Variants in HPSE2 observed in about 807,000 individuals in gnomAD.
The protein encoded by HPSE2 is inactive heparanase-2.
In HPSE2, 38 loss-of-function variants were observed where a neutral mutation model predicts 60.5. The ratio of observed to expected loss-of-function variants is 0.63; its 90% confidence interval spans 0.48 to 0.82. The LOEUF (loss-of-function observed/expected upper bound fraction) is 0.82, where lower values mean the gene tolerates loss of function less well. HPSE2 is among the 40% of genes least tolerant of loss of function. The probability of loss-of-function intolerance (pLI) is 0.00; values close to 1 mark genes in which losing one functional copy is unlikely to be tolerated. For missense variants in HPSE2, 713 were observed against 740.4 expected (o/e 0.96, Z 0.43); for synonymous variants, 295 against 293.2 (o/e 1.01, Z -0.06).
chr10:99,085,989 T>C (rs987305812), intron 3 of HPSE2, among the ~76,000 whole-genome samples: 1 of 152,202 alleles, frequency 6.6e-6, no homozygotes, highest in Non-Finnish European at 1.5e-5. Flanking sequence ...GTCAAAATCA[T>C]ATTCATTTCC....
At chr10:99,270,843 A>G in the HPSE2 span, among the ~76,000 whole-genome samples, 75,093 of 152,082 alleles carry the variant, frequency 0.49, 21,722 homozygotes, top group Non-Finnish European at 0.64. Flanking sequence ...ATGCAAGACA[A>G]TAAATGTGAT....
chr10:98,536,949 G>A (rs1943301965), intron 9 of HPSE2, among the ~76,000 whole-genome samples: 1 of 152,192 alleles, frequency 6.6e-6, no homozygotes, highest in Non-Finnish European at 1.5e-5. Context: ...AGTCTCTGTG[G>A]CCCATTTTAA....
In HPSE2 at chr10:99,208,453, A is replaced by G. The variant is rs548273013; in HGVS notation, c.448+23895T>C. On this transcript the variant is annotated intron_variant, in intron 2 of 11. Transcript: ENST00000370552. ...TAATTCCAGCACTTTGGGAGGCCAAAGCAGGCATATTTCTTGAGCCCAGGA... is the reference window on the plus strand; with the variant it reads ...TAATTCCAGCACTTTGGGAGGCCAAGGCAGGCATATTTCTTGAGCCCAGGA... 3.7e-4 allele frequency among the ~76,000 whole-genome samples: 56 copies of G among 152,212 alleles called. 1 individual carries two copies. In the South Asian group the frequency reaches 0.011, roughly 30 times the overall value.
intron 8 of HPSE2, among the ~76,000 whole-genome samples, chr10:98,619,139 C>T (rs1946003097): frequency 6.6e-6 from 1 of 151,974 alleles, no homozygotes; most frequent in African/African-American, 2.4e-5. Context: ...AAGAAGCTGC[C>T]TCTATGCAGG....
intron 9 of HPSE2, among the ~76,000 whole-genome samples, chr10:98,517,966 T>C (rs1165499723): frequency 2.0e-5 from 3 of 152,234 alleles, no homozygotes; most frequent in African/African-American, 7.2e-5. Context: ...AATGCTTGAT[T>C]ATTACCCAAG....
rs3043546 is a variant in HPSE2, at chr10:98,879,852, C to CGTGTGTGTGTGTGT, written c.611-135810_611-135797dup. 8.5e-4 allele frequency among the ~76,000 whole-genome samples: 124 copies of CGTGTGTGTGTGTGT among 145,784 alleles called. 3 individuals are homozygous for CGTGTGTGTGTGTGT. The South Asian group carries it at 0.02, about 24-fold the overall frequency. On this transcript the variant is annotated intron_variant, in intron 3 of 11. Coordinates refer to ENST00000370552, the MANE Select transcript of HPSE2 (RefSeq NM_021828.5). The stretch of plus-strand genomic sequence containing the variant: ...GGAAACAACAGTTGGTGTGCATGTG[C>CGTGTGTGTGTGTGT]GTGTGTGTGTGTGTGTGTGTGTGTG...
At chr10:99,122,139 T>C (rs1203552998) in intron 3 of HPSE2, among the ~76,000 whole-genome samples, 1 of 152,014 alleles carries the variant, frequency 6.6e-6, no homozygotes. Flanking sequence ...AGAAAACCAA[T>C]CAAAATATTT....
At chr10:98,838,600 CTT>C (rs747437378) in intron 3 of HPSE2, among the ~76,000 whole-genome samples, 11 of 141,708 alleles carry the variant, frequency 7.8e-5, no homozygotes, top group African/African-American at 5.2e-5. Flanking sequence ...AATTTTTTAA[CTT>C]TTTTTTTTTT....
At chr10:98,955,887 A>G (rs1216643075) in intron 3 of HPSE2, among the ~76,000 whole-genome samples, 1 of 152,156 alleles carries the variant, frequency 6.6e-6, no homozygotes, top group Admixed American at 6.6e-5. Context: ...GTTCTCACTT[A>G]TAAGTGGGAG....
At chr10:98,720,691 G>C (rs1948901444) in intron 5 of HPSE2, among the ~76,000 whole-genome samples, 1 of 152,138 alleles carries the variant, frequency 6.6e-6, no homozygotes, top group Admixed American at 6.6e-5. Context: ...GCTGTGCTAT[G>C]TATTACAAGC....
upstream of HPSE2, among the ~76,000 whole-genome samples, chr10:99,240,305 T>C (rs975793015): frequency 1.3e-5 from 2 of 152,146 alleles, no homozygotes; most frequent in African/African-American, 4.8e-5. Flanking sequence ...GACTGGTGAA[T>C]GGGACTACTG....
chr10:98,889,085 A>T (rs1036437318), intron 3 of HPSE2, among the ~76,000 whole-genome samples: 10 of 152,190 alleles, frequency 6.6e-5, no homozygotes, highest in Non-Finnish European at 1.3e-4. Flanking sequence ...TTCTCTTTTA[A>T]AACAACATAG....
intron 3 of HPSE2, among the ~76,000 whole-genome samples, chr10:98,811,074 A>G (rs1951159541): frequency 6.6e-6 from 1 of 152,024 alleles, no homozygotes; most frequent in Non-Finnish European, 1.5e-5. Context: ...TCTCTTCTTT[A>G]CCTTCTATAC....
intron 4 of HPSE2, among the ~76,000 whole-genome samples, chr10:98,731,228 G>A (rs1430636144): frequency 7.9e-5 from 12 of 152,108 alleles, no homozygotes; most frequent in African/African-American, 2.9e-4. Flanking sequence ...GGAGTGAGCC[G>A]AGATTGTGCC....
intron 3 of HPSE2, among the ~76,000 whole-genome samples, chr10:99,025,380 C>T (rs1208607673): frequency 6.6e-6 from 1 of 152,060 alleles, no homozygotes; most frequent in East Asian, 1.9e-4. Context: ...AATCATTCTA[C>T]CATAAACACA....
At chr10:99,220,680 G>A (rs1849278463) in intron 2 of HPSE2, among the ~76,000 whole-genome samples, 1 of 151,770 alleles carries the variant, frequency 6.6e-6, no homozygotes, top group Non-Finnish European at 1.5e-5. Flanking sequence ...GCGCATGCCT[G>A]TAGTCCCACC....
chr10:99,293,635 G>C, the HPSE2 span, among the ~76,000 whole-genome samples: 1 of 152,208 alleles, frequency 6.6e-6, no homozygotes, highest in East Asian at 1.9e-4. Flanking sequence ...AGTTTTAAAA[G>C]AAAACAGACA....
chr10:99,162,331 C>T (rs1846877881), intron 2 of HPSE2, among the ~76,000 whole-genome samples: 1 of 152,176 alleles, frequency 6.6e-6, no homozygotes, highest in Non-Finnish European at 1.5e-5. Context: ...ATTGTTACAT[C>T]ATGTATATTC....
chr10:99,152,914 C>T (rs1846337452), intron 2 of HPSE2, among the ~76,000 whole-genome samples: 1 of 152,228 alleles, frequency 6.6e-6, no homozygotes, highest in Non-Finnish European at 1.5e-5. Context: ...CGAGCCGAAG[C>T]AGGGCGAGGC....
Sources: gnomAD v4.1 joint callset for allele counts (sites outside exome capture counted in the v4.1 genomes callset) on GRCh38, gnomAD v4.1.1 for gene constraint, MANE v1.5 for transcripts, NCBI Gene and HGNC (gene_info 2026-07-23, HGNC 2026-07-21) for gene names.